The following SCAPER variants were observed in gnomAD, a reference collection of about 807,000 sequenced individuals.
SCAPER encodes S-phase cyclin A associated protein in the ER, also known as S phase cyclin A-associated protein in the endoplasmic reticulum.
Under a neutral mutation model 182.2 loss-of-function variants are expected in SCAPER, and 98 were observed. The ratio of observed to expected loss-of-function variants is 0.54; its 90% confidence interval spans 0.46 to 0.64. SCAPER has a LOEUF of 0.64. SCAPER is among the 30% of genes least tolerant of loss of function. The pLI, the probability that SCAPER is intolerant of heterozygous loss-of-function variation, is 0.00. For missense variants in SCAPER, 1,432 were observed against 1,690.0 expected, an observed-to-expected ratio of 0.85 and a Z score of 2.68; for synonymous variants, 605 against 564.6, an observed-to-expected ratio of 1.07 and a Z score of -1.01.
chr15:76,589,724 T>C (rs545785762), intron 22 of SCAPER, among the ~76,000 whole-genome samples: 1 of 152,268 alleles, frequency 6.6e-6, no homozygotes, highest in South Asian at 2.1e-4. Flanking sequence ...TGGTTGGAAT[T>C]GTTACAAAGT....
At chr15:76,737,590 T>C (rs565847301) in intron 15 of SCAPER, among the ~76,000 whole-genome samples, 1 of 152,376 alleles carries the variant, frequency 6.6e-6, no homozygotes, top group African/African-American at 2.4e-5. Context: ...TAGCTCCTAA[T>C]AAGTGAGTCA....
intron 20 of SCAPER, among the ~76,000 whole-genome samples, chr15:76,682,261 C>T (rs995203138): frequency 7.1e-4 from 94 of 132,156 alleles, no homozygotes; most frequent in Non-Finnish European, 1.4e-3. Flanking sequence ...AGCTCACCTC[C>T]CTTCCCCCCC....
intron 15 of SCAPER, among the ~76,000 whole-genome samples, chr15:76,749,325 G>T (rs2151166664): frequency 1.3e-5 from 2 of 151,968 alleles, no homozygotes; most frequent in South Asian, 4.2e-4. Context: ...AGTAAACTAA[G>T]ACTAGAAAGA....
intron 27 of SCAPER, among the ~76,000 whole-genome samples, chr15:76,385,502 C>G (rs74024107): frequency 0.016 from 2,389 of 152,250 alleles, 47 homozygotes; most frequent in African/African-American, 0.048. Context: ...ACCCACAGAC[C>G]TGCACTCAAA....
At chr15:76,362,601 TGG>T (rs2041519095) in intron 29 of SCAPER, among the ~76,000 whole-genome samples, 1 of 150,818 alleles carries the variant, frequency 6.6e-6, no homozygotes, top group Non-Finnish European at 1.5e-5. Context: ...TTAGTAGAGA[TGG>T]GGTTTCACCA....
intron 23 of SCAPER, among the ~76,000 whole-genome samples, chr15:76,518,681 T>A (rs1252604343): frequency 6.6e-6 from 1 of 152,156 alleles, no homozygotes; most frequent in Non-Finnish European, 1.5e-5. Flanking sequence ...TCAGACTATC[T>A]GACACAAAAT....
chr15:76,418,485 G>A (rs377351497), intron 26 of SCAPER, among the ~76,000 whole-genome samples: 1 of 152,278 alleles, frequency 6.6e-6, no homozygotes, highest in African/African-American at 2.4e-5. Flanking sequence ...CCCATGTTGG[G>A]CACTCCCCAC....
At chr15:76,452,315 G>C (rs2048423375) in intron 25 of SCAPER, among the ~76,000 whole-genome samples, 1 of 152,178 alleles carries the variant, frequency 6.6e-6, no homozygotes, top group East Asian at 1.9e-4. Flanking sequence ...TTTCCCTGCA[G>C]CTATACTGTG....
At chr15:76,847,609 C>A (rs945595707) in intron 4 of SCAPER, among the ~76,000 whole-genome samples, 4 of 152,160 alleles carry the variant, frequency 2.6e-5, no homozygotes, top group African/African-American at 9.7e-5. Context: ...ACTATGTACC[C>A]ACAAAAATTA....
At chr15:76,615,591 T>C (rs370174931) in intron 22 of SCAPER, among the ~76,000 whole-genome samples, 212 of 147,320 alleles carry the variant, frequency 1.4e-3, no homozygotes, top group African/African-American at 5.0e-3. Flanking sequence ...GACACCGAGG[T>C]AGGCAGATCA....
chr15:76,730,907 T>A (rs1175056239), intron 16 of SCAPER, among the ~76,000 whole-genome samples: 1 of 152,144 alleles, frequency 6.6e-6, no homozygotes, highest in Non-Finnish European at 1.5e-5. Flanking sequence ...ACTCCAACAT[T>A]GTATGAAAAG....
intron 17 of SCAPER, among the ~76,000 whole-genome samples, chr15:76,726,601 C>T (rs1265024598): frequency 6.6e-6 from 1 of 151,864 alleles, no homozygotes; most frequent in Non-Finnish European, 1.5e-5. Context: ...ACTCAAGTTG[C>T]TTCAACAAAG....
chr15:76,599,681 T>G lies in SCAPER; in HGVS notation c.2711+22083A>C, dbSNP rs565669124. 5.0e-4 allele frequency among the ~76,000 whole-genome samples: 61 copies of G among 122,158 alleles called. 17 individuals are homozygous for G. The highest frequency in any genetic ancestry group is 1.1e-3 in the Non-Finnish European group (55 of 50,260). The allele number at this position is 122,158 out of a possible 152,430, so 80.1% of individuals were successfully genotyped here. A position where few individuals can be genotyped will look rare whatever the true frequency, so the allele number is the denominator to read the frequency against. On this transcript the variant is annotated intron_variant, in intron 22 of 31. Transcript: ENST00000563290. ...CTCTACAACAGATGATTCTCATCTG[T>G]GGTGAAAGACAAGCTCTACAACAGG...
At chr15:76,692,862 T>C (rs1461305669) in intron 20 of SCAPER, among the ~76,000 whole-genome samples, 1 of 151,330 alleles carries the variant, frequency 6.6e-6, no homozygotes, top group Non-Finnish European at 1.5e-5. Context: ...ACAAGATCAA[T>C]AAAACCAAAA....
At chr15:76,662,258 T>C (rs2056245954) in intron 21 of SCAPER, among the ~76,000 whole-genome samples, 1 of 152,090 alleles carries the variant, frequency 6.6e-6, no homozygotes, top group Non-Finnish European at 1.5e-5. Flanking sequence ...GGGTTGATAG[T>C]TGCAGCAAAC....
chr15:76,573,043 A>G (rs138353910), intron 23 of SCAPER, among the ~76,000 whole-genome samples: 214 of 152,322 alleles, frequency 1.4e-3, no homozygotes, highest in African/African-American at 4.8e-3. Flanking sequence ...AGCTATATTT[A>G]TAAGGCTAAA....
At chr15:76,486,132 G>A (rs2051624907) in intron 24 of SCAPER, among the ~76,000 whole-genome samples, 2 of 152,028 alleles carry the variant, frequency 1.3e-5, no homozygotes, top group Admixed American at 6.6e-5. Flanking sequence ...GCATGAACCC[G>A]GGAGGCAGAG....
chr15:76,454,862 T>C (rs2048614181), intron 25 of SCAPER, among the ~76,000 whole-genome samples: 1 of 152,090 alleles, frequency 6.6e-6, no homozygotes, highest in South Asian at 2.1e-4. Flanking sequence ...TTTTTTTTAA[T>C]AGGTAGATTT....
chr15:76,781,554 C>T (rs536644081), intron 8 of SCAPER, among the ~76,000 whole-genome samples: 2 of 152,130 alleles, frequency 1.3e-5, no homozygotes, highest in Admixed American at 6.6e-5. Flanking sequence ...TGAACATACT[C>T]CTTGAGAAGA....
Sources: allele counts gnomAD v4.1 joint callset (sites outside exome capture counted in the v4.1 genomes callset), GRCh38; gene constraint gnomAD v4.1.1; transcripts MANE v1.5; gene names NCBI Gene and HGNC (gene_info 2026-07-23, HGNC 2026-07-21).